LRRN2: variants seen among roughly 807,000 people sequenced by gnomAD.
The protein encoded by LRRN2 is leucine-rich repeat neuronal protein 2.
Under a neutral mutation model 35.7 loss-of-function variants are expected in LRRN2, and 10 were observed. The ratio of observed to expected loss-of-function variants is 0.28; its 90% confidence interval spans 0.17 to 0.47. The LOEUF is 0.47. Ranked by LOEUF, LRRN2 falls within the 20% of genes least tolerant of loss-of-function variation. The pLI, the probability that LRRN2 is intolerant of heterozygous loss-of-function variation, is 0.99. For missense variants in LRRN2, 731 were observed against 940.3 expected (o/e 0.78, Z 2.91); for synonymous variants, 391 against 409.6 (o/e 0.95, Z 0.55).
intron 1 of LRRN2, among the ~76,000 whole-genome samples, chr1:204,640,498 G>A (rs993905537): frequency 5.9e-5 from 9 of 152,182 alleles, no homozygotes; most frequent in Non-Finnish European, 8.8e-5. Context: ...CTGGAAGGGC[G>A]TTCAGGGGCT....
At chr1:204,648,512 G>A (rs942371615) in intron 1 of LRRN2, among the ~76,000 whole-genome samples, 1 of 152,180 alleles carries the variant, frequency 6.6e-6, no homozygotes, top group African/African-American at 2.4e-5. Context: ...TATCCAAGAA[G>A]CAACCGCTGC....
Position 204,618,063 on chromosome 1 carries a change from C to A in LRRN2, c.1930G>T (p.Ala644Ser). 6.2e-7 allele frequency: 1 copy of A among 1,613,690 alleles called. No individual in the cohort carries two copies. The highest frequency in any genetic ancestry group is 8.5e-7 in the Non-Finnish European group (1 of 1,179,810). ...GTGCCAAGGTGGGCCGCTAGCCCAGCTGCCAGGAGAAGGACAGCGAGAGCC... is the reference window on the plus strand; with the variant it reads ...GTGCCAAGGTGGGCCGCTAGCCCAGATGCCAGGAGAAGGACAGCGAGAGCC... ...ILALAVLLLA[A>S]GLAAHLGTGQ... Residue 644 changes from alanine (A) to serine (S), a missense_variant, in exon 2 of 2, where the codon GCT becomes TCT. Physicochemically the swap from Ala to Ser is moderately conservative, Grantham distance 99. Around this residue, in one of 3 missense-constraint regions of LRRN2, gnomAD observed 229 missense variants for 258.4 expected, o/e 0.89. Transcript: ENST00000367177.
Position 204,618,587 on chromosome 1 carries a change from T to C in LRRN2, c.1406A>G (p.His469Arg), listed in dbSNP as rs958593430. The C allele has an allele frequency of 6.2e-7, 1 of 1,613,994 alleles. No homozygotes were observed. The highest frequency in any genetic ancestry group is 1.7e-5 in the Admixed American group (1 of 60,030). The change falls in exon 2 of 2, where the codon CAT becomes CGT. Residue 469 changes from histidine (H) to arginine (R), a missense_variant. Transcript: ENST00000367177. ...GTACACCCGGTACCTCCTGCCTGCATGGGCAGGTGTCAGTCGAAGCCCAGC... is the reference window on the plus strand; with the variant it reads ...GTACACCCGGTACCTCCTGCCTGCACGGGCAGGTGTCAGTCGAAGCCCAGC... ...TPAGLRLTPA[H>R]AGRRYRVYPE...
At chr1:204,630,503 A>G (rs910033341) in intron 1 of LRRN2, among the ~76,000 whole-genome samples, 2 of 152,166 alleles carry the variant, frequency 1.3e-5, no homozygotes, top group African/African-American at 4.8e-5. Context: ...CGGGTTTGCC[A>G]GATGAAGCTC....
intron 1 of LRRN2, chr1:204,620,497 A>C: frequency 5.5e-6 from 1 of 180,286 alleles, no homozygotes; most frequent in Non-Finnish European, 1.3e-5. Context: ...CTGGTCTCGA[A>C]CTCCTGACCT....
intron 1 of LRRN2, chr1:204,629,391 A>G (rs937916718): frequency 6.6e-6 from 1 of 152,408 alleles, no homozygotes; most frequent in Admixed American, 6.5e-5. Context: ...CACATCCACA[A>G]AGAAAATGTG....
Position 204,617,763 on chromosome 1 carries a change from T to C in LRRN2, c.*88A>G. 1 of 1,459,824 alleles carries C rather than the reference T, an allele frequency of 6.9e-7. No individual in the cohort carries two copies. Among genetic ancestry groups the C allele is most frequent in the Non-Finnish European group, 9.5e-7 (1 of 1,050,726 alleles). The allele number at this position is 1,459,824 out of a possible 1,614,324, so 90.4% of individuals were successfully genotyped here. On this transcript the variant is annotated 3_prime_UTR_variant, in exon 2 of 2. Transcript: ENST00000367177. ...CTCAAGCACGTGGGTCCATGTCCCT[T>C]TCCTGGCAGGGCATCTGGCCCAGAC...
Position 204,619,631 on chromosome 1 carries a change from C to T in LRRN2, c.362G>A (p.Ser121Asn). 6.2e-7 allele frequency: 1 copy of T among 1,614,218 alleles called. No individual in the cohort carries two copies. Among genetic ancestry groups the T allele is most frequent in the Non-Finnish European group, 8.5e-7 (1 of 1,180,040 alleles). The change falls in exon 2 of 2, where the codon AGC becomes AAC. Residue 121 changes from serine to asparagine, a missense_variant. Physicochemically the swap from Ser to Asn is conservative, Grantham distance 46. Transcript: ENST00000367177. The stretch of plus-strand genomic sequence containing the variant: ...CAGCTGGTTCTCCTCTAGGTGCAGG[C>T]TCAGCAGCTGGGGCAGGGCATGGAA... ...CDFHALPQLLSLHLEENQLTR... is the reference protein window; with the variant it reads ...CDFHALPQLLNLHLEENQLTR...
At chr1:204,644,510 A>ACCT (rs1668056513) in intron 1 of LRRN2, among the ~76,000 whole-genome samples, 1 of 152,020 alleles carries the variant, frequency 6.6e-6, no homozygotes, top group African/African-American at 2.4e-5. Flanking sequence ...TTGTGATTTC[A>ACCT]GGTCTTTGAA....
At chr1:204,658,553 G>C (rs1347774536) in intron 1 of LRRN2, among the ~76,000 whole-genome samples, 1 of 152,134 alleles carries the variant, frequency 6.6e-6, no homozygotes. Flanking sequence ...GATGCTCTAG[G>C]GTAAAGCAGG....
In LRRN2 at chr1:204,660,542, G is replaced by A. The variant is rs568169846; in HGVS notation, c.-227+24778C>T. Reference sequence around the variant, plus strand: ...GTCCTCTACTTTCTCCCTTCTCCCCGCCTTACACAGACACACACACACACA... The same window carrying A: ...GTCCTCTACTTTCTCCCTTCTCCCCACCTTACACAGACACACACACACACA... On this transcript the variant is annotated intron_variant, in intron 1 of 1. Coordinates refer to ENST00000367177, the MANE Select transcript of LRRN2 (RefSeq NM_201630.2). 2.7e-5 allele frequency among the ~76,000 whole-genome samples: 4 copies of A among 147,840 alleles called. No homozygotes were observed. In the East Asian group the frequency reaches 5.9e-4, roughly 22 times the overall value.
rs1666392638 is a variant in LRRN2 at position 204,617,186 on chromosome 1, C to G, written c.*665G>C. 6.6e-6 allele frequency: 1 copy of G among 152,510 alleles called. No individual in the cohort carries two copies. Among genetic ancestry groups the G allele is most frequent in the Non-Finnish European group, 1.5e-5 (1 of 68,286 alleles). 9.4% of individuals were successfully genotyped at this position (152,510 alleles called of 1,614,324 possible). ...CTCAGAGGATTATTTTCCTTTCGTTCCTTTCCCCCGTATTATTGTTATTAT... is the reference window on the plus strand; with the variant it reads ...CTCAGAGGATTATTTTCCTTTCGTTGCTTTCCCCCGTATTATTGTTATTAT... On this transcript the variant is annotated 3_prime_UTR_variant, in exon 2 of 2. Coordinates refer to ENST00000367177, the MANE Select transcript of LRRN2 (RefSeq NM_201630.2).
rs1416329309 is a variant in LRRN2, at chr1:204,620,003, C to T, written c.-11G>A. 2.5e-6 allele frequency: 4 copies of T among 1,600,178 alleles called. No individual in the cohort carries two copies. In the African/African-American group the frequency reaches 4.0e-5, roughly 16 times the overall value. ...CACGAGAAGCCTCATGGTGGAGCTGCAGGGCAGGGGACCATTCACAAGAAG... is the reference window on the plus strand; with the variant it reads ...CACGAGAAGCCTCATGGTGGAGCTGTAGGGCAGGGGACCATTCACAAGAAG... On this transcript the variant is annotated 5_prime_UTR_variant, in exon 2 of 2. Coordinates refer to ENST00000367177, the MANE Select transcript of LRRN2 (RefSeq NM_201630.2).
chr1:204,629,115 T>G lies in LRRN2; in HGVS notation c.-226-8897A>C, dbSNP rs1354236417. The G allele has an allele frequency of 2.6e-5, 4 of 152,020 alleles. 1 individual carries two copies. Among genetic ancestry groups the G allele is most frequent in the East Asian group, 1.9e-4 (1 of 5,150 alleles). The allele number at this position is 152,020 out of a possible 1,614,324, so 9.4% of individuals were successfully genotyped here. ...CCCCAGGACATCCCTTTAGCCCCAGTGGATCCCTGGGACAGAGGCAAGGGC... is the reference window on the plus strand; with the variant it reads ...CCCCAGGACATCCCTTTAGCCCCAGGGGATCCCTGGGACAGAGGCAAGGGC... On this transcript the variant is annotated intron_variant, in intron 1 of 1. Transcript: ENST00000367177.
chr1:204,666,063 C>T (rs981636655), intron 1 of LRRN2, among the ~76,000 whole-genome samples: 1 of 152,160 alleles, frequency 6.6e-6, no homozygotes, highest in Non-Finnish European at 1.5e-5. Flanking sequence ...AAATGAGCAA[C>T]CTGCAAATTC....
intron 1 of LRRN2, among the ~76,000 whole-genome samples, chr1:204,681,360 T>C (rs572566402): frequency 5.3e-5 from 8 of 152,346 alleles, no homozygotes; most frequent in African/African-American, 1.2e-4. Context: ...ATTACTTACA[T>C]AGCACTTACT....
chr1:204,635,934 C>T (rs774108492), intron 1 of LRRN2, among the ~76,000 whole-genome samples: 1 of 152,232 alleles, frequency 6.6e-6, no homozygotes, highest in Admixed American at 6.5e-5. Context: ...CTCACAGGGA[C>T]AGGCAACAGC....
chr1:204,644,631 C>T (rs1668060775), intron 1 of LRRN2, among the ~76,000 whole-genome samples: 1 of 152,222 alleles, frequency 6.6e-6, no homozygotes, highest in Non-Finnish European at 1.5e-5. Context: ...TCTCCTCTTG[C>T]TCCCACAACA....
chr1:204,677,115 A>G (rs1413490891), intron 1 of LRRN2, among the ~76,000 whole-genome samples: 2 of 152,214 alleles, frequency 1.3e-5, no homozygotes, highest in Non-Finnish European at 2.9e-5. Flanking sequence ...AGATTTACAG[A>G]TGAGGAAACT....
Sources: gnomAD v4.1 joint callset for allele counts (sites outside exome capture counted in the v4.1 genomes callset) on GRCh38, gnomAD v4.1.1 for gene constraint, gnomAD v4.1.1 regional missense constraint, MANE v1.5 for transcripts, NCBI Gene and HGNC (gene_info 2026-07-23, HGNC 2026-07-21) for gene names.